NPAS3: variants seen among roughly 807,000 people sequenced by gnomAD.
The protein encoded by NPAS3 is neuronal PAS domain protein 3.
A neutral mutation model predicts 73.1 loss-of-function variants in NPAS3; 14 were observed. The observed-to-expected ratio is 0.19, with a 90% confidence interval of 0.13 to 0.30. The LOEUF (loss-of-function observed/expected upper bound fraction) is 0.30. NPAS3 is among the 10% of genes least tolerant of loss of function. The pLI, the probability that NPAS3 is intolerant of heterozygous loss-of-function variation, is 1.00. For synonymous variants in NPAS3, 620 were observed against 541.5 expected (o/e 1.14, Z -2.01); for missense variants, 1,096 against 1,250.0 (o/e 0.88, Z 1.86).
intron 2 of NPAS3, among the ~76,000 whole-genome samples, chr14:33,141,634 A>G (rs992580186): frequency 6.6e-6 from 1 of 152,202 alleles, no homozygotes; most frequent in East Asian, 1.9e-4. Context: ...AAACATTTTA[A>G]GAGTATACAA....
intron 7 of NPAS3, among the ~76,000 whole-genome samples, chr14:33,751,470 A>G (rs1377288339): frequency 1.3e-5 from 2 of 152,208 alleles, no homozygotes; most frequent in Admixed American, 1.3e-4. Context: ...AAAAAAAACT[A>G]AGACCTGTAT....
At chr14:33,755,137 G>A (rs781500518) in intron 7 of NPAS3, among the ~76,000 whole-genome samples, 1 of 152,196 alleles carries the variant, frequency 6.6e-6, no homozygotes, top group Non-Finnish European at 1.5e-5. Flanking sequence ...GAGGATAATA[G>A]TACCTCTCCT....
intron 2 of NPAS3, among the ~76,000 whole-genome samples, chr14:33,118,057 A>C (rs2043122342): frequency 6.6e-6 from 1 of 152,040 alleles, no homozygotes; most frequent in African/African-American, 2.4e-5. Flanking sequence ...AGTTTTGGGG[A>C]GCATATTTCC....
At chr14:33,231,618 A>G (rs1566704367) in intron 3 of NPAS3, among the ~76,000 whole-genome samples, 1 of 152,190 alleles carries the variant, frequency 6.6e-6, no homozygotes, top group Non-Finnish European at 1.5e-5. Context: ...AGCAATTTTA[A>G]TATTAATTGG....
At chr14:33,142,526 T>C (rs993617575) in intron 2 of NPAS3, among the ~76,000 whole-genome samples, 7 of 152,206 alleles carry the variant, frequency 4.6e-5, no homozygotes, top group Non-Finnish European at 4.4e-5. Context: ...CTGCTTTAAT[T>C]GCCATATTTT....
At chr14:33,356,973 A>G (rs1308772147) in intron 3 of NPAS3, among the ~76,000 whole-genome samples, 1 of 152,198 alleles carries the variant, frequency 6.6e-6, no homozygotes, top group African/African-American at 2.4e-5. Context: ...ACAGTCTTGT[A>G]AGCCTGTTTA....
At chr14:33,603,351 G>C (rs57278547) in intron 5 of NPAS3, among the ~76,000 whole-genome samples, 9 of 151,988 alleles carry the variant, frequency 5.9e-5, no homozygotes, top group African/African-American at 2.2e-4. Flanking sequence ...TGAGCTGGGG[G>C]ACAACTTCAA....
At chr14:33,627,797 C>T (rs1211042521) in intron 5 of NPAS3, among the ~76,000 whole-genome samples, 1 of 152,222 alleles carries the variant, frequency 6.6e-6, no homozygotes, top group Non-Finnish European at 1.5e-5. Context: ...AAGCAAAGCA[C>T]ATTTGGATGT....
At chr14:33,019,495 G>A (rs551941994) in intron 1 of NPAS3, among the ~76,000 whole-genome samples, 1 of 151,998 alleles carries the variant, frequency 6.6e-6, no homozygotes, top group African/African-American at 2.4e-5. Flanking sequence ...AAAAAAAACC[G>A]GGGATGGTTT....
intron 1 of NPAS3, among the ~76,000 whole-genome samples, chr14:32,979,623 T>C (rs2139387282): frequency 6.6e-6 from 1 of 152,340 alleles, no homozygotes; most frequent in Non-Finnish European, 1.5e-5. Context: ...CATCTCTTTC[T>C]TTGGGCCTGA....
intron 3 of NPAS3, among the ~76,000 whole-genome samples, chr14:33,249,495 T>C (rs1205168784): frequency 6.6e-6 from 1 of 152,068 alleles, no homozygotes; most frequent in Non-Finnish European, 1.5e-5. Context: ...TTAAGCCTCA[T>C]TTGTCTGTCT....
At chr14:33,324,015 T>C (rs2043577023) in intron 3 of NPAS3, among the ~76,000 whole-genome samples, 1 of 152,228 alleles carries the variant, frequency 6.6e-6, no homozygotes, top group South Asian at 2.1e-4. Context: ...TTGAGTATTG[T>C]GCCTTGTCAA....
intron 2 of NPAS3, among the ~76,000 whole-genome samples, chr14:33,177,109 T>TATTATTATTATC (rs1354243278): frequency 0.012 from 1,713 of 145,108 alleles, 25 homozygotes; most frequent in African/African-American, 0.039. Context: ...TTATTATTAT[T>TATTATTATTATC]ATCTTTGAGA....
At chr14:33,379,977 C>CGTGTGTGTGTGTGTGTGT (rs34208750) in intron 4 of NPAS3, among the ~76,000 whole-genome samples, 2,102 of 144,288 alleles carry the variant, frequency 0.015, 20 homozygotes, top group Middle Eastern at 0.042. Context: ...AGTTATCCCT[C>CGTGTGTGTGTGTGTGTGT]GTGTGTGTGT....
At chr14:33,478,992 A>T (rs1193081956) in intron 4 of NPAS3, among the ~76,000 whole-genome samples, 1 of 152,198 alleles carries the variant, frequency 6.6e-6, no homozygotes, top group Non-Finnish European at 1.5e-5. Context: ...AGGTAGAAAC[A>T]TCACAGCTAG....
intron 3 of NPAS3, among the ~76,000 whole-genome samples, chr14:33,332,613 G>T (rs966913471): frequency 4.6e-5 from 7 of 152,148 alleles, no homozygotes; most frequent in African/African-American, 1.7e-4. Context: ...ACAGGCGTAT[G>T]AATCTCAGGG....
chr14:33,115,701 G>T (rs1313726554), intron 2 of NPAS3, among the ~76,000 whole-genome samples: 1 of 152,040 alleles, frequency 6.6e-6, no homozygotes, highest in African/African-American at 2.4e-5. Flanking sequence ...CTATAAGATG[G>T]TCATCACCCA....
chr14:33,716,318 C>A (rs565975516), intron 6 of NPAS3, among the ~76,000 whole-genome samples: 2 of 152,164 alleles, frequency 1.3e-5, no homozygotes, highest in Non-Finnish European at 2.9e-5. Context: ...TCATTCTCTC[C>A]ACCCTTTGTA....
At chr14:33,230,911 T>C (rs1286344390) in intron 3 of NPAS3, among the ~76,000 whole-genome samples, 1 of 152,214 alleles carries the variant, frequency 6.6e-6, no homozygotes, top group Non-Finnish European at 1.5e-5. Flanking sequence ...TGTTACCTTT[T>C]ATGTATACTA....
Sources: allele counts gnomAD v4.1 joint callset (sites outside exome capture counted in the v4.1 genomes callset), GRCh38; gene constraint gnomAD v4.1.1; transcripts MANE v1.5; gene names NCBI Gene and HGNC (gene_info 2026-07-23, HGNC 2026-07-21).